PLEKHG1: variants seen among roughly 807,000 people sequenced by gnomAD.
PLEKHG1 encodes the protein pleckstrin homology domain-containing family G member 1.
Under a neutral mutation model 100.8 loss-of-function variants are expected in PLEKHG1, and 44 were observed. The observed-to-expected ratio is 0.44, with a 90% CI of 0.34 to 0.56. The LOEUF is 0.56. Among genes scored for constraint, PLEKHG1 ranks in the 20% least tolerant of loss-of-function variants. The pLI is 0.01. For missense variants in PLEKHG1, 1,545 were observed against 1,720.9 expected, an observed-to-expected ratio of 0.90 and a Z score of 1.81; for synonymous variants, 640 against 662.5, an observed-to-expected ratio of 0.97 and a Z score of 0.52.
At chr6:150,601,157 T>C (rs1466299186) in intron 1 of PLEKHG1, among the ~76,000 whole-genome samples, 1 of 152,186 alleles carries the variant, frequency 6.6e-6, no homozygotes, top group Non-Finnish European at 1.5e-5. Flanking sequence ...CGGGCTTGGG[T>C]AGGTCCTGTA....
intron 3 of PLEKHG1, among the ~76,000 whole-genome samples, chr6:150,680,933 T>C (rs1475690058): frequency 6.6e-6 from 1 of 152,186 alleles, no homozygotes; most frequent in Non-Finnish European, 1.5e-5. Context: ...GAAGCACATT[T>C]TCCCACCATT....
chr6:150,689,944 T>A (rs1780283611), intron 3 of PLEKHG1, among the ~76,000 whole-genome samples: 1 of 152,218 alleles, frequency 6.6e-6, no homozygotes, highest in South Asian at 2.1e-4. Context: ...AATATTTTCT[T>A]TTGACATTAA....
intron 3 of PLEKHG1, among the ~76,000 whole-genome samples, chr6:150,698,499 T>TACACACACAC (rs3072714): frequency 1.3e-5 from 2 of 151,788 alleles, no homozygotes; most frequent in African/African-American, 2.4e-5. Flanking sequence ...ATACTATATA[T>TACACACACAC]ACACACACAC....
At chr6:150,680,105 G>T (rs951985404) in intron 3 of PLEKHG1, among the ~76,000 whole-genome samples, 2 of 152,302 alleles carry the variant, frequency 1.3e-5, no homozygotes, top group African/African-American at 4.8e-5. Context: ...AGCTGATGGG[G>T]TAAGGATAGG....
At chr6:150,614,944 G>A (rs569477058) in intron 1 of PLEKHG1, among the ~76,000 whole-genome samples, 1 of 152,276 alleles carries the variant, frequency 6.6e-6, no homozygotes, top group African/African-American at 2.4e-5. Context: ...CTGTAGGTCT[G>A]GAGGATTGTA....
At chr6:150,613,547 A>G (rs1776938745) in intron 1 of PLEKHG1, among the ~76,000 whole-genome samples, 1 of 152,198 alleles carries the variant, frequency 6.6e-6, no homozygotes, top group African/African-American at 2.4e-5. Context: ...CAAGTTCTAG[A>G]ACAGAGAGCA....
chr6:150,791,472 G>C (rs1416930064), intron 4 of PLEKHG1, among the ~76,000 whole-genome samples: 1 of 151,868 alleles, frequency 6.6e-6, no homozygotes, highest in Non-Finnish European at 1.5e-5. Context: ...GACCAGCCTG[G>C]CAAATATGGC....
At chr6:150,633,169 A>G (rs1582848559) in intron 1 of PLEKHG1, 1 of 152,380 alleles carries the variant, frequency 6.6e-6, no homozygotes, top group South Asian at 2.1e-4. Flanking sequence ...GATGAGACCC[A>G]ATTTCTGCAC....
Position 150,839,714 on chromosome 6 carries a change from AGTCTT to A in PLEKHG1, c.3095-114_3095-110del, listed in dbSNP as rs1234928908. Reference sequence around the variant, plus strand: ...GATTACTCATCCTTAGACATCAGTTAGTCTTGTCTACTGTCAAAATTTTAAAATAC... The same window carrying A: ...GATTACTCATCCTTAGACATCAGTTAGTCTACTGTCAAAATTTTAAAATAC... On this transcript the variant is annotated intron_variant, in intron 15 of 15. Transcript: ENST00000358517. 5 of 640,576 alleles carry A rather than the reference AGTCTT, an allele frequency of 7.8e-6. No homozygotes were observed. In the Admixed American group the frequency reaches 1.4e-4, roughly 18 times the overall value. 39.7% of individuals were successfully genotyped at this position (640,576 alleles called of 1,614,324 possible). A position where few individuals can be genotyped will look rare whatever the true frequency, so the allele number is the denominator to read the frequency against.
At chr6:150,805,219 G>A (rs1292589741) in intron 7 of PLEKHG1, among the ~76,000 whole-genome samples, 1 of 152,180 alleles carries the variant, frequency 6.6e-6, no homozygotes, top group African/African-American at 2.4e-5. Context: ...ACAGGCATGA[G>A]CCACCACACC....
At chr6:150,708,125 A>G (rs1781099924) in intron 3 of PLEKHG1, among the ~76,000 whole-genome samples, 1 of 152,178 alleles carries the variant, frequency 6.6e-6, no homozygotes, top group Non-Finnish European at 1.5e-5. Context: ...GCTGTTAGAC[A>G]GAAGGATCTC....
At chr6:150,605,819 A>G (rs1270872211) in intron 1 of PLEKHG1, 2 of 152,268 alleles carry the variant, frequency 1.3e-5, no homozygotes, top group Non-Finnish European at 2.9e-5. Context: ...AAAGAAAGAA[A>G]AACTACTGTC....
chr6:150,700,260 T>G (rs945780513), intron 3 of PLEKHG1, among the ~76,000 whole-genome samples: 28 of 152,312 alleles, frequency 1.8e-4, no homozygotes, highest in African/African-American at 6.7e-4. Flanking sequence ...CAGTGAGGCA[T>G]GCAGAAGCCT....
intron 2 of PLEKHG1, among the ~76,000 whole-genome samples, chr6:150,760,832 G>A (rs1290393565): frequency 6.6e-6 from 1 of 151,992 alleles, no homozygotes; most frequent in African/African-American, 2.4e-5. Flanking sequence ...TTTGGAAACT[G>A]CAATTTCGAA....
chr6:150,832,290 C>T (rs1776990515), intron 15 of PLEKHG1, 85 bp downstream of exon 16: 4 of 1,088,106 alleles, frequency 3.7e-6, no homozygotes, highest in Non-Finnish European at 5.2e-6. Context: ...AACGGACACA[C>T]CTGTGAGAAC....
chr6:150,815,909 G>C (rs1434493780), intron 10 of PLEKHG1, among the ~76,000 whole-genome samples: 1 of 152,224 alleles, frequency 6.6e-6, no homozygotes. Flanking sequence ...GGGCACCAGG[G>C]ATTGGTTTTG....
In PLEKHG1 at chr6:150,600,824, C is replaced by A. The variant is rs1776323147; in HGVS notation, c.-204+807C>A. On this transcript the variant is annotated intron_variant, in intron 1 of 3. Coordinates refer to the PLEKHG1 transcript ENST00000367326. This position sits in a 1 kb window ranked among gnomAD's most constrained non-coding sequence, Gnocchi z 6.2. ...ACGGCGCTCGGCTGGTCAATTCATT[C>A]CGCTCCTCGGAAACAATGAGCTGGA... is the stretch of plus-strand genomic sequence containing the variant. The A allele has an allele frequency of 6.6e-6, 1 of 152,244 alleles. No homozygotes were observed. Among genetic ancestry groups the A allele is most frequent in the Admixed American group, 6.5e-5 (1 of 15,292 alleles). The allele number at this position is 152,244 out of a possible 1,614,324, so 9.4% of individuals were successfully genotyped here.
At chr6:150,684,295 A>G (rs1226555124) in intron 3 of PLEKHG1, among the ~76,000 whole-genome samples, 3 of 152,224 alleles carry the variant, frequency 2.0e-5, no homozygotes, top group Non-Finnish European at 4.4e-5. Context: ...TTGGGGATAG[A>G]TAGTTGCGTG....
chr6:150,706,636 AAAAC>A (rs1213525109), intron 3 of PLEKHG1, among the ~76,000 whole-genome samples: 1 of 151,552 alleles, frequency 6.6e-6, no homozygotes, highest in East Asian at 1.9e-4. Flanking sequence ...ATCAAAAACA[AAAAC>A]AAAACAGGAA....
Sources: allele counts gnomAD v4.1 joint callset (sites outside exome capture counted in the v4.1 genomes callset), GRCh38; gene constraint gnomAD v4.1.1; non-coding constraint Gnocchi (gnomAD v3.1); transcripts MANE v1.5; gene names NCBI Gene and HGNC (gene_info 2026-07-23, HGNC 2026-07-21).